Variants in SNTG1 observed in about 807,000 individuals in gnomAD.
The protein encoded by SNTG1 is syntrophin gamma 1, also known as gamma-1-syntrophin.
In SNTG1, 39 loss-of-function variants were observed where a neutral mutation model predicts 74.7. The observed-to-expected ratio is 0.52, with a 90% CI of 0.40 to 0.68. SNTG1 has a LOEUF of 0.68. SNTG1 is among the 30% of genes least tolerant of loss of function. The pLI is 0.00. For synonymous variants in SNTG1, 254 were observed against 217.1 expected (o/e 1.17, Z -1.49); for missense variants, 685 against 609.5 (o/e 1.12, Z -1.30).
chr8:50,604,124 A>T (rs2094794829), intron 13 of SNTG1, among the ~76,000 whole-genome samples: 1 of 152,176 alleles, frequency 6.6e-6, no homozygotes, highest in Non-Finnish European at 1.5e-5. Context: ...TAGAGTCAAA[A>T]ACCTTAGAAA....
chr8:50,325,011 C>A (rs1380440427), intron 2 of SNTG1, among the ~76,000 whole-genome samples: 1 of 146,936 alleles, frequency 6.8e-6, no homozygotes, highest in Admixed American at 6.9e-5. Flanking sequence ...AATACACACA[C>A]ACACACAGAC....
At chr8:50,532,379 C>T (rs531515205) in intron 10 of SNTG1, among the ~76,000 whole-genome samples, 3 of 152,072 alleles carry the variant, frequency 2.0e-5, no homozygotes, top group African/African-American at 7.2e-5. Flanking sequence ...ATGATTTTAA[C>T]ACAAAAAAAT....
At chr8:50,451,773 T>G (rs954771034) in intron 8 of SNTG1, among the ~76,000 whole-genome samples, 2 of 151,898 alleles carry the variant, frequency 1.3e-5, no homozygotes, top group African/African-American at 4.8e-5. Flanking sequence ...GGTGGTGAAA[T>G]GACATTAAAA....
chr8:49,917,480 T>C (rs958492736), intron 1 of SNTG1, among the ~76,000 whole-genome samples: 4 of 152,202 alleles, frequency 2.6e-5, no homozygotes, highest in Non-Finnish European at 4.4e-5. Flanking sequence ...CTAAGTCTGA[T>C]GTCCACTGCA....
At chr8:50,261,429 T>A (rs1349139851) in intron 2 of SNTG1, among the ~76,000 whole-genome samples, 2 of 152,134 alleles carry the variant, frequency 1.3e-5, no homozygotes, top group Non-Finnish European at 2.9e-5. Context: ...GAAAATGGTA[T>A]AGGTTAGAAA....
intron 1 of SNTG1, among the ~76,000 whole-genome samples, chr8:50,015,828 C>CA (rs796687170): frequency 3.3e-5 from 5 of 152,044 alleles, no homozygotes; most frequent in African/African-American, 1.2e-4. Flanking sequence ...ACATTCTCTG[C>CA]AAAAAAATGG....
chr8:50,233,401 G>C (rs972996444), intron 2 of SNTG1, among the ~76,000 whole-genome samples: 42 of 151,434 alleles, frequency 2.8e-4, no homozygotes, highest in African/African-American at 9.4e-4. Context: ...TCATGTAAAA[G>C]AAAAAAATAA....
At chr8:50,617,968 A>T (rs1256742592) in intron 13 of SNTG1, among the ~76,000 whole-genome samples, 6 of 152,152 alleles carry the variant, frequency 3.9e-5, no homozygotes, top group Non-Finnish European at 8.8e-5. Flanking sequence ...TGGGCATAAG[A>T]CAATATGAGG....
At chr8:50,163,290 T>C (rs1170692528) in intron 1 of SNTG1, among the ~76,000 whole-genome samples, 4 of 152,184 alleles carry the variant, frequency 2.6e-5, no homozygotes, top group Non-Finnish European at 5.9e-5. Context: ...AAAACTGTCT[T>C]CTCAACCATA....
At chr8:50,640,754 C>G (rs2095067587) in intron 13 of SNTG1, among the ~76,000 whole-genome samples, 1 of 152,082 alleles carries the variant, frequency 6.6e-6, no homozygotes, top group Admixed American at 6.6e-5. Flanking sequence ...TTCATGTCTC[C>G]TTAACACATT....
chr8:50,612,260 A>C (rs1053501280), intron 13 of SNTG1, among the ~76,000 whole-genome samples: 2 of 152,196 alleles, frequency 1.3e-5, no homozygotes, highest in Admixed American at 1.3e-4. Flanking sequence ...TAATGTAGTG[A>C]AATATACAGG....
chr8:50,725,115 T>C (rs2095496897), intron 17 of SNTG1, among the ~76,000 whole-genome samples: 1 of 152,186 alleles, frequency 6.6e-6, no homozygotes, highest in South Asian at 2.1e-4. Flanking sequence ...AATAAAAAGT[T>C]ATGCATAAAG....
At chr8:50,107,477 CT>C (rs1394545647) in intron 1 of SNTG1, among the ~76,000 whole-genome samples, 2 of 152,038 alleles carry the variant, frequency 1.3e-5, no homozygotes, top group Non-Finnish European at 2.9e-5. Context: ...ATTGCTTTCA[CT>C]TTTTTTAAAA....
intron 1 of SNTG1, among the ~76,000 whole-genome samples, chr8:49,935,359 T>G (rs1165452043): frequency 6.7e-6 from 1 of 149,100 alleles, no homozygotes; most frequent in Non-Finnish European, 1.5e-5. Flanking sequence ...CCATACTATT[T>G]CACTCACAAA....
At chr8:50,716,358 A>T (rs1428447829) in intron 17 of SNTG1, among the ~76,000 whole-genome samples, 2 of 152,138 alleles carry the variant, frequency 1.3e-5, no homozygotes, top group Non-Finnish European at 2.9e-5. Flanking sequence ...AAGTTATAAT[A>T]TAGTTCTGAC....
chr8:50,684,491 T>C (rs533325418), intron 15 of SNTG1, among the ~76,000 whole-genome samples: 51 of 152,226 alleles, frequency 3.4e-4, no homozygotes, highest in African/African-American at 1.2e-3. Flanking sequence ...TCTTTCTGTT[T>C]CAATAATAAT....
chr8:50,103,172 T>A (rs1280786866), intron 1 of SNTG1, among the ~76,000 whole-genome samples: 2 of 152,234 alleles, frequency 1.3e-5, no homozygotes, highest in Non-Finnish European at 2.9e-5. Flanking sequence ...TTTCACGATA[T>A]TGATTCTTCC....
At chr8:50,468,419 C>T (rs574680206) in intron 8 of SNTG1, among the ~76,000 whole-genome samples, 9 of 152,076 alleles carry the variant, frequency 5.9e-5, no homozygotes, top group Admixed American at 1.3e-4. Flanking sequence ...AGTAATTCTC[C>T]TTGCTCTAAG....
intron 17 of SNTG1, among the ~76,000 whole-genome samples, chr8:50,732,849 G>A (rs1233150024): frequency 2.0e-5 from 3 of 151,692 alleles, no homozygotes; most frequent in Non-Finnish European, 2.9e-5. Flanking sequence ...AGGTTGAACA[G>A]GTTCTCCTAT....
Sources: gnomAD v4.1 joint callset for allele counts (sites outside exome capture counted in the v4.1 genomes callset) on GRCh38, gnomAD v4.1.1 for gene constraint, MANE v1.5 for transcripts, NCBI Gene and HGNC (gene_info 2026-07-23, HGNC 2026-07-21) for gene names.